Variants in EXOC4 observed in about 807,000 individuals in gnomAD.
The protein encoded by EXOC4 is SEC8-like 1.
Under a neutral mutation model 107.2 loss-of-function variants are expected in EXOC4, and 71 were observed. The observed-to-expected ratio is 0.66, with a 90% CI of 0.55 to 0.81. The LOEUF (loss-of-function observed/expected upper bound fraction) is 0.81. Among genes scored for constraint, EXOC4 ranks in the 30% least tolerant of loss-of-function variants. The pLI, the probability that EXOC4 is intolerant of heterozygous loss-of-function variation, is 0.00. For missense variants in EXOC4, 1,108 were observed against 1,189.6 expected, an observed-to-expected ratio of 0.93 and a Z score of 1.01; for synonymous variants, 456 against 441.2, an observed-to-expected ratio of 1.03 and a Z score of -0.42.
chr7:134,078,150 C>T, the EXOC4 span, among the ~76,000 whole-genome samples: 1 of 151,968 alleles, frequency 6.6e-6, no homozygotes, highest in Non-Finnish European at 1.5e-5. Context: ...CCTGGATCCC[C>T]CCAGTTTATT....
At chr7:133,984,845 A>C (rs988210100) in intron 14 of EXOC4, among the ~76,000 whole-genome samples, 1 of 152,238 alleles carries the variant, frequency 6.6e-6, no homozygotes, top group African/African-American at 2.4e-5. Context: ...TATTTGAGGA[A>C]AACGAGACTT....
intron 10 of EXOC4, among the ~76,000 whole-genome samples, chr7:133,650,258 T>G (rs11768150): frequency 0.43 from 65,087 of 151,780 alleles, 14,823 homozygotes; most frequent in Admixed American, 0.57. Flanking sequence ...TCTAAATACT[T>G]TGTGTTTTCA....
downstream of EXOC4, among the ~76,000 whole-genome samples, chr7:134,067,526 C>T (rs1456635370): frequency 3.3e-5 from 5 of 151,992 alleles, no homozygotes; most frequent in African/African-American, 4.8e-5. Context: ...TCTTCCATAC[C>T]CAAGGGCCCA....
chr7:134,016,227 C>T (rs1794905803), intron 17 of EXOC4, among the ~76,000 whole-genome samples: 1 of 152,070 alleles, frequency 6.6e-6, no homozygotes, highest in Non-Finnish European at 1.5e-5. Flanking sequence ...AAACTGGAAG[C>T]TTGAGGGAAA....
intron 3 of EXOC4, among the ~76,000 whole-genome samples, chr7:133,294,381 A>G (rs1794472736): frequency 2.0e-5 from 3 of 152,180 alleles, no homozygotes; most frequent in South Asian, 2.1e-4. Context: ...AAGTCAATTC[A>G]TAATTGCATT....
intron 10 of EXOC4, among the ~76,000 whole-genome samples, chr7:133,654,088 G>C (rs990614764): frequency 6.6e-6 from 1 of 152,072 alleles, no homozygotes; most frequent in Non-Finnish European, 1.5e-5. Flanking sequence ...ATAAGAAATC[G>C]AGCAGTGCAC....
chr7:133,309,270 A>G (rs531732703), intron 4 of EXOC4, among the ~76,000 whole-genome samples: 2 of 152,334 alleles, frequency 1.3e-5, no homozygotes, highest in Admixed American at 6.5e-5. Flanking sequence ...TTACACAGAA[A>G]GGAGCAAAAA....
At chr7:133,841,917 G>T (rs1385320398) in intron 11 of EXOC4, among the ~76,000 whole-genome samples, 2 of 152,092 alleles carry the variant, frequency 1.3e-5, no homozygotes, top group African/African-American at 4.8e-5. Flanking sequence ...ATGCAGTTTT[G>T]ATTTTCTGTT....
At chr7:133,923,141 T>C (rs2116660823) in intron 13 of EXOC4, among the ~76,000 whole-genome samples, 1 of 151,164 alleles carries the variant, frequency 6.6e-6, no homozygotes, top group Middle Eastern at 3.4e-3. Flanking sequence ...TTTTTTTTTT[T>C]TTTTTTGAGA....
intron 14 of EXOC4, among the ~76,000 whole-genome samples, chr7:133,962,755 A>G (rs985358966): frequency 6.6e-6 from 1 of 152,240 alleles, no homozygotes; most frequent in African/African-American, 2.4e-5. Context: ...GAACCAAGCC[A>G]TTTACGCTTC....
At chr7:133,850,504 A>AT (rs913191804) in intron 11 of EXOC4, among the ~76,000 whole-genome samples, 9 of 151,526 alleles carry the variant, frequency 5.9e-5, no homozygotes, top group African/African-American at 9.7e-5. Flanking sequence ...TTCCCAAATG[A>AT]TTTTTTTTCC....
At chr7:133,257,124 G>A (rs1795036021) in intron 1 of EXOC4, among the ~76,000 whole-genome samples, 1 of 152,274 alleles carries the variant, frequency 6.6e-6, no homozygotes, top group Non-Finnish European at 1.5e-5. Flanking sequence ...GGCCTGTGAG[G>A]TGGGGCTTAG....
intron 7 of EXOC4, among the ~76,000 whole-genome samples, chr7:133,378,034 T>C (rs1372704325): frequency 2.6e-5 from 4 of 152,126 alleles, no homozygotes; most frequent in African/African-American, 7.2e-5. Context: ...TTTTCAGCCA[T>C]GCGCGATGGC....
At chr7:133,834,004 G>A (rs1365653818) in intron 11 of EXOC4, among the ~76,000 whole-genome samples, 1 of 151,866 alleles carries the variant, frequency 6.6e-6, no homozygotes, top group African/African-American at 2.4e-5. Context: ...CACAGGAAGG[G>A]GTACCAAGCA....
At chr7:133,437,044 G>GAT in intron 7 of EXOC4, among the ~76,000 whole-genome samples, 1 of 152,138 alleles carries the variant, frequency 6.6e-6, no homozygotes, top group African/African-American at 2.4e-5. Context: ...GATTCATTAA[G>GAT]ATATATTATG....
intron 6 of EXOC4, among the ~76,000 whole-genome samples, chr7:133,365,034 T>C (rs944617308): frequency 1.3e-5 from 2 of 152,202 alleles, no homozygotes; most frequent in Non-Finnish European, 2.9e-5. Flanking sequence ...TTCCTGCCCA[T>C]ACCTCACACT....
intron 7 of EXOC4, among the ~76,000 whole-genome samples, chr7:133,445,611 A>C (rs1171101221): frequency 8.2e-6 from 1 of 122,248 alleles, no homozygotes; most frequent in Non-Finnish European, 1.7e-5. Flanking sequence ...AGGCCTGGAC[A>C]GTTACTACAA....
intron 7 of EXOC4, among the ~76,000 whole-genome samples, chr7:133,449,276 C>T (rs1313906264): frequency 1.3e-5 from 2 of 152,116 alleles, no homozygotes; most frequent in Non-Finnish European, 2.9e-5. Context: ...GAAGACTCCT[C>T]CCCTAGAGAC....
intron 6 of EXOC4, among the ~76,000 whole-genome samples, chr7:133,362,634 G>C (rs897717197): frequency 6.6e-6 from 1 of 152,194 alleles, no homozygotes; most frequent in Admixed American, 6.5e-5. Flanking sequence ...GCATACTGCT[G>C]TAATAGAACT....
Sources: gnomAD v4.1 joint callset for allele counts (sites outside exome capture counted in the v4.1 genomes callset) on GRCh38, gnomAD v4.1.1 for gene constraint, MANE v1.5 for transcripts, NCBI Gene and HGNC (gene_info 2026-07-23, HGNC 2026-07-21) for gene names.